GLYATL2: variants seen among roughly 807,000 people sequenced by gnomAD.
GLYATL2 encodes glycine-N-acyltransferase like 2.
Under a neutral mutation model 21.4 loss-of-function variants are expected in GLYATL2, and 25 were observed. The ratio of observed to expected loss-of-function variants is 1.17; its 90% CI spans 0.85 to 1.63. The LOEUF (loss-of-function observed/expected upper bound fraction) is 1.63, where lower values mean the gene tolerates loss of function less well. Ranked by LOEUF, GLYATL2 falls within the 40% of genes most tolerant of loss-of-function variation. The probability of loss-of-function intolerance (pLI) is 0.00; values close to 1 mark genes in which losing one functional copy is unlikely to be tolerated. For missense variants in GLYATL2, 361 were observed against 343.3 expected, an observed-to-expected ratio of 1.05 and a Z score of -0.41; for synonymous variants, 114 against 118.2, an observed-to-expected ratio of 0.96 and a Z score of 0.23.
At position 58,865,595 on chromosome 11, in the gene GLYATL2, C is replaced by A. The variant is rs1222517818; in HGVS notation, n.61-27227G>T. ...GGTTCTTGTCTCAGTTTTGCATATG[C>A]AATCATGTGTCCAGTTTCCAGGACT... On this transcript the variant is annotated intron_variant and non_coding_transcript_variant, in intron 1 of 4. Transcript: ENST00000533636. Among the ~76,000 whole-genome samples the A allele has an allele frequency of 1.3e-5, 2 of 149,054 alleles. 1 individual carries two copies. Among genetic ancestry groups the A allele is most frequent in the Non-Finnish European group, 3.0e-5 (2 of 67,196 alleles).
upstream of GLYATL2, chr11:58,905,249 T>G (rs1467881409): frequency 2.8e-6 from 1 of 355,984 alleles, no homozygotes; most frequent in Non-Finnish European, 5.6e-6. Flanking sequence ...TCCACGAAGT[T>G]GGATCATTTG....
chr11:58,857,318 GA>G (rs2134591538), intron 1 of GLYATL2, among the ~76,000 whole-genome samples: 1 of 152,296 alleles, frequency 6.6e-6, no homozygotes, highest in Admixed American at 6.5e-5. Flanking sequence ...GTCTTCTTTT[GA>G]GAAATGTCTA....
chr11:58,870,646 T>C (rs1362856568), intron 1 of GLYATL2, among the ~76,000 whole-genome samples: 2 of 152,200 alleles, frequency 1.3e-5, no homozygotes, highest in African/African-American at 2.4e-5. Flanking sequence ...ACAAGCCTCC[T>C]GGGTAAAGGC....
chr11:58,872,334 GTGTTTT>G (rs1297979038), intron 1 of GLYATL2, among the ~76,000 whole-genome samples: 392 of 152,280 alleles, frequency 2.6e-3, no homozygotes, highest in African/African-American at 8.9e-3. Flanking sequence ...ATTGCTTTTG[GTGTTTT>G]AGACATGAAG....
rs191149518 is a variant in GLYATL2, at chr11:58,889,748, C to T, written n.60+14408G>A. Among the ~76,000 whole-genome samples, 377 of 151,942 alleles carry T rather than the reference C, an allele frequency of 2.5e-3. 4 individuals carry two copies. The highest frequency in any genetic ancestry group is 7.5e-3 in the African/African-American group (310 of 41,498). ...TGTTCACATCCTTTTGATATACTAC[C>T]GAATATTTTATTCAGAATTTTTGTA... On this transcript the variant is annotated intron_variant and non_coding_transcript_variant, in intron 1 of 4. Transcript: ENST00000533636.
intron 1 of GLYATL2, among the ~76,000 whole-genome samples, chr11:58,901,641 G>T (rs1338064093): frequency 6.6e-6 from 1 of 150,784 alleles, no homozygotes; most frequent in Non-Finnish European, 1.5e-5. Context: ...CTAAGAAAAC[G>T]TGAAGCTCTA....
intron 1 of GLYATL2, among the ~76,000 whole-genome samples, chr11:58,868,738 CTT>C (rs1271805198): frequency 1.3e-5 from 2 of 149,146 alleles, no homozygotes; most frequent in African/African-American, 4.8e-5. Flanking sequence ...AGTTCCCTCT[CTT>C]TGGGGCCAGC....
upstream of GLYATL2, among the ~76,000 whole-genome samples, chr11:58,846,928 C>A (rs1217860419): frequency 6.6e-6 from 1 of 152,040 alleles, no homozygotes; most frequent in African/African-American, 2.4e-5. Context: ...GCTAAAGAGA[C>A]TCCTTCCCTC....
intron 1 of GLYATL2, chr11:58,840,845 T>TAAAATAAAAG: frequency 7.3e-6 from 1 of 136,550 alleles, no homozygotes. Flanking sequence ...TCTCAAAAAA[T>TAAAATAAAAG]AAAATAAAAT....
In GLYATL2 at chr11:58,834,842, G is replaced by A; in HGVS notation, c.477-5C>T. ...ATGTTTGAAAAGTTTCCTTCCCTGT[G>A]AAGAAAAAGAATTTTACATTTATTC... On this transcript the variant is annotated splice_polypyrimidine_tract_variant and splice_region_variant and intron_variant, in intron 5 of 5. Transcript: ENST00000287275. 2 of 1,552,392 alleles carry A rather than the reference G, an allele frequency of 1.3e-6. No individual in the cohort carries two copies. Among genetic ancestry groups the A allele is most frequent in the Non-Finnish European group, 8.7e-7 (1 of 1,153,588 alleles).
At chr11:58,858,783 A>T (rs1202441878) in intron 1 of GLYATL2, among the ~76,000 whole-genome samples, 1 of 152,174 alleles carries the variant, frequency 6.6e-6, no homozygotes, top group Admixed American at 6.5e-5. Flanking sequence ...ATTCCTCAGG[A>T]ATACCTACAG....
intron 5 of GLYATL2, among the ~76,000 whole-genome samples, chr11:58,835,277 A>C (rs911294737): frequency 1.3e-5 from 2 of 152,240 alleles, no homozygotes; most frequent in African/African-American, 4.8e-5. Flanking sequence ...ATATTCCAAT[A>C]AAACATATTT....
chr11:58,902,586 C>T (rs1854758448), intron 1 of GLYATL2, among the ~76,000 whole-genome samples: 1 of 152,150 alleles, frequency 6.6e-6, no homozygotes, highest in Non-Finnish European at 1.5e-5. Flanking sequence ...TTTCCATAAA[C>T]ACTGGCCTTA....
At position 58,877,116 on chromosome 11, in the gene GLYATL2, C is replaced by T. The variant is rs530095416; in HGVS notation, n.60+27040G>A. The stretch of plus-strand genomic sequence containing the variant: ...TGCAGGATATAATCTCCTGGTGTGC[C>T]GTTTGATAAGCCTGTTGGAAAAGCA... On this transcript the variant is annotated intron_variant and non_coding_transcript_variant, in intron 1 of 4. Transcript: ENST00000533636. Among the ~76,000 whole-genome samples, 15 of 152,292 alleles carry T rather than the reference C, an allele frequency of 9.8e-5. No individual in the cohort carries two copies. The South Asian group carries it at 1.7e-3, about 17-fold the overall frequency.
intron 2 of GLYATL2, 32 bp from the exon 3 acceptor site, chr11:58,838,400 T>C (rs750289019): frequency 7.4e-7 from 1 of 1,359,676 alleles, no homozygotes; most frequent in African/African-American, 1.4e-5. Flanking sequence ...CAGGAGAGGA[T>C]GAAGTTCTTC....
upstream of GLYATL2, chr11:58,905,578 G>T (rs1188840920): frequency 2.2e-6 from 1 of 456,272 alleles, no homozygotes; most frequent in Non-Finnish European, 4.4e-6. Flanking sequence ...CGGCTGCCGC[G>T]CAACCCCTCC....
chr11:58,843,077 G>T (rs1853581968), intron 1 of GLYATL2, among the ~76,000 whole-genome samples: 1 of 152,030 alleles, frequency 6.6e-6, no homozygotes, highest in African/African-American at 2.4e-5. Context: ...AATTAATTTT[G>T]TTATATGTTG....
At chr11:58,856,137 GA>G (rs897650115) in intron 1 of GLYATL2, among the ~76,000 whole-genome samples, 35 of 145,738 alleles carry the variant, frequency 2.4e-4, no homozygotes, top group African/African-American at 7.6e-4. Flanking sequence ...CTGTCTAAAA[GA>G]AAAAAAAAAG....
chr11:58,892,824 A>G (rs370336941), intron 1 of GLYATL2: 64 of 321,046 alleles, frequency 2.0e-4, no homozygotes, highest in African/African-American at 1.2e-3. Flanking sequence ...GGCCACCCAG[A>G]TGATGAATTT....
Sources: allele counts gnomAD v4.1 joint callset (sites outside exome capture counted in the v4.1 genomes callset), GRCh38; gene constraint gnomAD v4.1.1; transcripts MANE v1.5; gene names NCBI Gene and HGNC (gene_info 2026-07-23, HGNC 2026-07-21).